Variants in TCF7L2 observed in about 807,000 individuals in gnomAD.
TCF7L2 encodes transcription factor 7-like 2.
In TCF7L2, 23 loss-of-function variants were observed where a neutral mutation model predicts 77.9. That is an observed-to-expected ratio of 0.30 (90% CI 0.21 to 0.42). The LOEUF (loss-of-function observed/expected upper bound fraction) is 0.42, where lower values mean the gene tolerates loss of function less well. Among genes scored for constraint, TCF7L2 ranks in the 10% least tolerant of loss-of-function variants. TCF7L2 has a pLI of 1.00. For synonymous variants in TCF7L2, 413 were observed against 340.2 expected (o/e 1.21, Z -2.36); for missense variants, 654 against 793.1 (o/e 0.82, Z 2.11).
chr10:112,951,775 A>C, intron 3 of TCF7L2, 168 bp downstream of exon 3: 7 of 188,124 alleles, frequency 3.7e-5, no homozygotes, highest in Non-Finnish European at 6.9e-5. Flanking sequence ...AAACTCTCCA[A>C]ACTTTTCTGC....
chr10:113,154,518 C>T (rs2137248649), intron 11 of TCF7L2, among the ~76,000 whole-genome samples: 1 of 152,258 alleles, frequency 6.6e-6, no homozygotes. Flanking sequence ...ATGTCATTTA[C>T]ACTGGGGTCT....
chr10:113,068,070 C>G (rs951069968), intron 5 of TCF7L2, among the ~76,000 whole-genome samples: 13 of 152,112 alleles, frequency 8.5e-5, no homozygotes, highest in African/African-American at 3.1e-4. Context: ...CTCTGATGTC[C>G]TTTTCAAAAC....
At chr10:113,083,753 T>C (rs1445944328) in intron 5 of TCF7L2, among the ~76,000 whole-genome samples, 3 of 152,212 alleles carry the variant, frequency 2.0e-5, no homozygotes, top group Non-Finnish European at 4.4e-5. Flanking sequence ...TTTTTAAAAA[T>C]TGTCAGTTCA....
intron 4 of TCF7L2, among the ~76,000 whole-genome samples, chr10:112,987,076 C>T (rs1007703602): frequency 1.3e-5 from 2 of 152,122 alleles, no homozygotes; most frequent in South Asian, 2.1e-4. Flanking sequence ...AACGACAACC[C>T]GAGTTGTTCA....
intron 5 of TCF7L2, chr10:113,089,271 C>T: frequency 9.6e-7 from 1 of 1,040,430 alleles, no homozygotes; most frequent in Non-Finnish European, 1.4e-6. Context: ...AACTGTAATC[C>T]CTCTATCATG....
chr10:113,163,088 G>T (rs2073447256), intron 13 of TCF7L2, among the ~76,000 whole-genome samples: 1 of 151,962 alleles, frequency 6.6e-6, no homozygotes, highest in Non-Finnish European at 1.5e-5. Flanking sequence ...GTGTGTGCGT[G>T]CCAGCTGCCC....
intron 4 of TCF7L2, among the ~76,000 whole-genome samples, chr10:113,010,206 T>C (rs941760425): frequency 1.3e-5 from 2 of 152,114 alleles, no homozygotes; most frequent in African/African-American, 4.8e-5. Context: ...TAGGGGGTCA[T>C]GGGAGCAGGT....
chr10:113,137,189 T>A (rs1442549285), intron 5 of TCF7L2, among the ~76,000 whole-genome samples: 1 of 152,176 alleles, frequency 6.6e-6, no homozygotes, highest in African/African-American at 2.4e-5. Flanking sequence ...TCTAGAATGA[T>A]CTTGCCCCAT....
At chr10:112,979,018 A>T (rs1589923139) in intron 4 of TCF7L2, among the ~76,000 whole-genome samples, 1 of 152,056 alleles carries the variant, frequency 6.6e-6, no homozygotes, top group South Asian at 2.1e-4. Context: ...TTTGCCAAGG[A>T]TGTTCTTAGA....
At chr10:113,036,879 CT>C (rs898656264) in intron 4 of TCF7L2, among the ~76,000 whole-genome samples, 10 of 151,302 alleles carry the variant, frequency 6.6e-5, no homozygotes, top group East Asian at 1.9e-4. Context: ...ATGGTGGGAA[CT>C]TTTTTTTTCC....
At chr10:113,045,869 C>T (rs767765084) in intron 5 of TCF7L2, among the ~76,000 whole-genome samples, 7 of 152,182 alleles carry the variant, frequency 4.6e-5, no homozygotes, top group African/African-American at 1.2e-4. Flanking sequence ...TTTCCCATTT[C>T]GCAGTCAGGG....
Position 112,992,943 on chromosome 10 carries a change from T to C in TCF7L2, c.450+28319T>C, listed in dbSNP as rs553836192. Among the ~76,000 whole-genome samples, 31 of 152,004 alleles carry C rather than the reference T, an allele frequency of 2.0e-4. No homozygotes were observed. The South Asian group carries it at 6.3e-3, about 31-fold the overall frequency. ...CGCGCCTGGCTAATTTTTTGTATTT[T>C]TAGTAGAGATGGGGTTTTACCATCT... On this transcript the variant is annotated intron_variant, in intron 4 of 13. Coordinates refer to ENST00000627217, the MANE Select transcript of TCF7L2 (RefSeq NM_001146274.2).
intron 5 of TCF7L2, among the ~76,000 whole-genome samples, chr10:113,117,254 T>C (rs1184857729): frequency 6.6e-6 from 1 of 152,204 alleles, no homozygotes; most frequent in Non-Finnish European, 1.5e-5. Flanking sequence ...TTTATTAATG[T>C]GGTACTCGCA....
At chr10:113,089,305 A>T in intron 5 of TCF7L2, 1 of 1,381,812 alleles carries the variant, frequency 7.2e-7, no homozygotes, top group Non-Finnish European at 9.7e-7. Flanking sequence ...AATGTGGGTT[A>T]GGGCAGAAAG....
intron 4 of TCF7L2, among the ~76,000 whole-genome samples, chr10:113,029,667 C>T (rs575225715): frequency 3.8e-4 from 58 of 152,014 alleles, no homozygotes; most frequent in African/African-American, 1.4e-3. Flanking sequence ...GCTAGGATTA[C>T]AGGCATGCGC....
intron 3 of TCF7L2, among the ~76,000 whole-genome samples, chr10:112,961,254 A>ACCCCCCC (rs372246814): frequency 3.3e-5 from 2 of 60,500 alleles, no homozygotes; most frequent in African/African-American, 1.5e-4. Flanking sequence ...ACCTCAGGTG[A>ACCCCCCC]CCCCCCCCCC....
chr10:113,088,852 C>G (rs1205054745), intron 5 of TCF7L2, among the ~76,000 whole-genome samples: 2 of 151,200 alleles, frequency 1.3e-5, no homozygotes, highest in African/African-American at 4.9e-5. Context: ...ACCTGTAGTC[C>G]TAACTGTTTG....
chr10:113,163,275 T>G (rs1289669706), intron 13 of TCF7L2, among the ~76,000 whole-genome samples: 2 of 152,106 alleles, frequency 1.3e-5, no homozygotes, highest in Non-Finnish European at 2.9e-5. Context: ...CCACACAAGG[T>G]TTCTAGTTTC....
intron 6 of TCF7L2, 129 bp downstream of exon 6, chr10:113,141,445 C>G: frequency 7.4e-7 from 1 of 1,345,264 alleles, no homozygotes; most frequent in Non-Finnish European, 1.0e-6. Flanking sequence ...TGGGGGGGCC[C>G]CTGTTGCTTT....
Sources: gnomAD v4.1 joint callset for allele counts (sites outside exome capture counted in the v4.1 genomes callset) on GRCh38, gnomAD v4.1.1 for gene constraint, MANE v1.5 for transcripts, NCBI Gene and HGNC (gene_info 2026-07-23, HGNC 2026-07-21) for gene names.